Variants in CACNB2 observed in about 807,000 individuals in gnomAD.
CACNB2 encodes voltage-dependent L-type calcium channel subunit beta-2.
A neutral mutation model predicts 73.3 loss-of-function variants in CACNB2; 42 were observed. That is an observed-to-expected ratio of 0.57 (90% CI 0.45 to 0.74). The LOEUF is 0.74. CACNB2 is among the 30% of genes least tolerant of loss of function. CACNB2 has a pLI of 0.00. For missense variants in CACNB2, 940 were observed against 853.0 expected, an observed-to-expected ratio of 1.10 and a Z score of -1.27; for synonymous variants, 348 against 310.3, an observed-to-expected ratio of 1.12 and a Z score of -1.28.
At chr10:18,254,222 TG>T (rs1462102472) in intron 2 of CACNB2, among the ~76,000 whole-genome samples, 1 of 152,258 alleles carries the variant, frequency 6.6e-6, no homozygotes, top group East Asian at 1.9e-4. Flanking sequence ...TTCAAGTTTT[TG>T]TTGCTACATT....
At chr10:18,468,230 C>A (rs1407005944) in intron 3 of CACNB2, among the ~76,000 whole-genome samples, 1 of 152,126 alleles carries the variant, frequency 6.6e-6, no homozygotes, top group Non-Finnish European at 1.5e-5. Flanking sequence ...GAGGCTAAGG[C>A]AGGCCGATTT....
Position 18,536,273 on chromosome 10 carries a change from T to TTTTG in CACNB2, c.1302+77_1302+78insTTTG, listed in dbSNP as rs760737029. ...TTTTTTTTTTTTTTTTTTTTTTTTT[T>TTTTG]GGGGGACAAGGTCTTGCTCTGTTGC... On this transcript the variant is annotated intron_variant, in intron 12 of 13. Coordinates refer to ENST00000324631, the MANE Select transcript of CACNB2 (RefSeq NM_201596.3). 1.7e-5 allele frequency: 5 copies of TTTTG among 292,834 alleles called. 1 individual carries two copies. Among genetic ancestry groups the TTTTG allele is most frequent in the African/African-American group, 4.4e-5 (1 of 22,740 alleles). The allele number at this position is 292,834 out of a possible 1,614,324, so 18.1% of individuals were successfully genotyped here.
chr10:18,419,989 GT>G (rs889666999), intron 3 of CACNB2, among the ~76,000 whole-genome samples: 39 of 152,224 alleles, frequency 2.6e-4, no homozygotes, highest in African/African-American at 9.4e-4. Flanking sequence ...TAAGTTCTAG[GT>G]TTTTATTTAG....
intron 2 of CACNB2, among the ~76,000 whole-genome samples, chr10:18,209,635 AT>A (rs201451514): frequency 2.3e-4 from 35 of 151,486 alleles, no homozygotes; most frequent in Admixed American, 1.3e-3. Context: ...TTAGCTATTG[AT>A]TTTTTTTTAT....
rs147509760 is a variant in CACNB2 at position 18,181,562 on chromosome 10, T to TTTTTATTTTA, written c.213+30647_213+30656dup. On this transcript the variant is annotated intron_variant, in intron 2 of 13. Transcript: ENST00000324631. The stretch of plus-strand genomic sequence containing the variant: ...AGAGTTTTGAAATTTGAGGATAACT[T>TTTTTATTTTA]TTTTATTTTATTTTATTTTATTTTA... Among the ~76,000 whole-genome samples, 671 of 113,552 alleles carry TTTTTATTTTA rather than the reference T, an allele frequency of 5.9e-3. 12 individuals are homozygous for TTTTTATTTTA. Among genetic ancestry groups the TTTTTATTTTA allele is most frequent in the African/African-American group, 0.012 (385 of 30,840 alleles). 74.5% of individuals were successfully genotyped at this position (113,552 alleles called of 152,430 possible). A position where few individuals can be genotyped will look rare whatever the true frequency, so the allele number is the denominator to read the frequency against.
At position 18,150,882 on chromosome 10, in the gene CACNB2, G is replaced by GC. The variant is rs2031493254; in HGVS notation, c.121-1_121insC (p.Ser41LeufsTer13). ...TTTTTTTTTTTTTTTTTTTTTTTTA[G>GC]TCATATGGAAAAGGAGCCAGAAGGA... On this transcript the variant is annotated frameshift_variant and splice_region_variant. Transcript: ENST00000324631. LOFTEE classifies it high-confidence loss of function. 1 of 310,774 alleles carries GC rather than the reference G, an allele frequency of 3.2e-6. No individual in the cohort carries two copies. The highest frequency in any genetic ancestry group is 4.8e-6 in the Non-Finnish European group (1 of 207,490). The allele number at this position is 310,774 out of a possible 1,614,324, so 19.3% of individuals were successfully genotyped here. A position where few individuals can be genotyped will look rare whatever the true frequency, so the allele number is the denominator to read the frequency against.
At position 18,182,682 on chromosome 10, in the gene CACNB2, C is replaced by T. The variant is rs766856641; in HGVS notation, c.213+31707C>T. Among the ~76,000 whole-genome samples the T allele has an allele frequency of 4.6e-5, 7 of 151,652 alleles. 1 individual carries two copies. Among genetic ancestry groups the T allele is most frequent in the Admixed American group, 3.3e-4 (5 of 15,218 alleles). On this transcript the variant is annotated intron_variant, in intron 2 of 13. Transcript: ENST00000324631. ...ACTAAAATACAAAAGATTAGCCAGG[C>T]GTGGTGGCGTGCACCTGTAATCCCT...
At chr10:18,518,257 C>T (rs1190052270) in intron 7 of CACNB2, 79 bp from the exon 8 acceptor site, 17 of 964,530 alleles carry the variant, frequency 1.8e-5, no homozygotes, top group Admixed American at 5.1e-5. Flanking sequence ...TTATGGAGTT[C>T]AGAAAGAGTA....
At chr10:18,450,850 T>C (rs2046988523) in intron 3 of CACNB2, among the ~76,000 whole-genome samples, 1 of 152,174 alleles carries the variant, frequency 6.6e-6, no homozygotes, top group African/African-American at 2.4e-5. Context: ...TTGGCCAGGC[T>C]GGTCTCTAAC....
At chr10:18,152,201 G>A (rs1409746456) in intron 2 of CACNB2, among the ~76,000 whole-genome samples, 1 of 152,078 alleles carries the variant, frequency 6.6e-6, no homozygotes, top group Non-Finnish European at 1.5e-5. Flanking sequence ...GACGAAGGAT[G>A]ATCTGTCCCC....
At chr10:18,419,114 G>A (rs1027414718) in intron 3 of CACNB2, among the ~76,000 whole-genome samples, 1 of 152,188 alleles carries the variant, frequency 6.6e-6, no homozygotes, top group Non-Finnish European at 1.5e-5. Flanking sequence ...ACAATCTAAA[G>A]CTCTTTGGCT....
intron 2 of CACNB2, 52 bp from the exon 3 acceptor site, chr10:18,401,872 A>G (rs371477891): frequency 5.6e-6 from 9 of 1,602,592 alleles, no homozygotes; most frequent in African/African-American, 2.7e-5. Flanking sequence ...GACTTTTCCA[A>G]TGCAAACATC....
intron 5 of CACNB2, among the ~76,000 whole-genome samples, chr10:18,505,607 G>A (rs766123724): frequency 4.6e-5 from 7 of 151,974 alleles, no homozygotes; most frequent in East Asian, 1.9e-4. Context: ...ACCCTGGCTC[G>A]GCCATAATAA....
At chr10:18,416,566 G>A (rs112269345) in intron 3 of CACNB2, among the ~76,000 whole-genome samples, 2,937 of 152,234 alleles carry the variant, frequency 0.019, 107 homozygotes, top group African/African-American at 0.066. Flanking sequence ...ACAGGTGTGC[G>A]CCATCATGGC....
At chr10:18,245,724 C>G (rs186219658) in intron 2 of CACNB2, among the ~76,000 whole-genome samples, 4 of 152,048 alleles carry the variant, frequency 2.6e-5, no homozygotes, top group Non-Finnish European at 5.9e-5. Context: ...CACCAAGACA[C>G]GAGAAGGTCA....
intron 3 of CACNB2, among the ~76,000 whole-genome samples, chr10:18,458,274 A>T (rs562337995): frequency 6.6e-6 from 1 of 152,244 alleles, no homozygotes; most frequent in Non-Finnish European, 1.5e-5. Context: ...TTCAAGTTCA[A>T]AAACAAATTT....
intron 2 of CACNB2, among the ~76,000 whole-genome samples, chr10:18,173,848 C>G (rs1379630325): frequency 6.6e-6 from 1 of 152,086 alleles, no homozygotes; most frequent in Admixed American, 6.5e-5. Flanking sequence ...CATTTAGAAA[C>G]TTTTAAATGT....
intron 2 of CACNB2, chr10:18,206,481 A>G (rs1006853499): frequency 6.6e-6 from 1 of 152,358 alleles, no homozygotes; most frequent in Admixed American, 6.5e-5. Context: ...AAACAGCAGC[A>G]TTGTGCAGTC....
intron 2 of CACNB2, among the ~76,000 whole-genome samples, chr10:18,296,386 G>A (rs1033063686): frequency 3.3e-5 from 5 of 152,000 alleles, no homozygotes; most frequent in African/African-American, 4.8e-5. Context: ...TGTGTCTGGT[G>A]ATACAGATAC....
Sources: gnomAD v4.1 joint callset for allele counts (sites outside exome capture counted in the v4.1 genomes callset) on GRCh38, gnomAD v4.1.1 for gene constraint, MANE v1.5 for transcripts, NCBI Gene and HGNC (gene_info 2026-07-23, HGNC 2026-07-21) for gene names.